The following GABRA3 variants were observed in gnomAD, a reference collection of about 807,000 sequenced individuals.
GABRA3 encodes gamma-aminobutyric acid receptor subunit alpha-3.
In GABRA3, 10 loss-of-function variants were observed where a neutral mutation model predicts 30.1. The observed-to-expected ratio is 0.33, with a 90% CI of 0.20 to 0.56. GABRA3 has a LOEUF of 0.56. GABRA3 is among the 20% of genes least tolerant of loss of function. GABRA3 has a pLI of 0.89. For synonymous variants in GABRA3, 151 were observed against 146.8 expected (o/e 1.03, Z -0.21); for missense variants, 233 against 392.0 (o/e 0.59, Z 3.42).
At chrX:152,221,896 G>T in intron 6 of GABRA3, among the ~76,000 whole-genome samples, 1 of 111,350 alleles carries the variant, frequency 9.0e-6, no homozygotes. Context: ...AAAAACCCCA[G>T]TGTGTGGTGT....
At chrX:152,345,723 G>GAA (rs3830670) in intron 2 of GABRA3, 21 bp from the exon 3 acceptor site, 35 of 1,143,245 alleles carry the variant, frequency 3.1e-5, no homozygotes, top group African/African-American at 3.0e-4. Context: ...GCAAGGAAAA[G>GAA]AAAAAAAATA....
chrX:152,323,545 C>A (rs957797409), intron 3 of GABRA3, among the ~76,000 whole-genome samples: 10 of 111,801 alleles, frequency 8.9e-5, no homozygotes, highest in Non-Finnish European at 1.9e-4. Context: ...TGAAGGGTAA[C>A]AAGGATCCTG....
At chrX:152,186,203 A>ATTGT (rs1366555675) in intron 9 of GABRA3, among the ~76,000 whole-genome samples, 2 of 106,959 alleles carry the variant, frequency 1.9e-5, no homozygotes, top group African/African-American at 6.8e-5. Flanking sequence ...AATTTATTTA[A>ATTGT]TTGTTTATTT....
At chrX:152,196,609 A>G (rs1937392324) in intron 8 of GABRA3, among the ~76,000 whole-genome samples, 1 of 110,859 alleles carries the variant, frequency 9.0e-6, no homozygotes, top group Non-Finnish European at 1.9e-5. Context: ...ACTTCACTAG[A>G]ACTGTTCTTC....
At chrX:152,442,649 A>G (rs977476593) in intron 1 of GABRA3, among the ~76,000 whole-genome samples, 2 of 112,003 alleles carry the variant, frequency 1.8e-5, no homozygotes, top group Admixed American at 9.5e-5. Context: ...AAATTATTTT[A>G]AAGCTACAAT....
chrX:152,343,282 T>G (rs1940341294), intron 3 of GABRA3, among the ~76,000 whole-genome samples: 1 of 111,400 alleles, frequency 9.0e-6, no homozygotes, highest in South Asian at 3.8e-4. Flanking sequence ...GCTCACCTTG[T>G]TTGTTTTCTT....
At chrX:152,352,949 T>C (rs1940500255) in intron 2 of GABRA3, among the ~76,000 whole-genome samples, 1 of 111,024 alleles carries the variant, frequency 9.0e-6, no homozygotes, top group Admixed American at 9.7e-5. Context: ...GTCTTTCCTA[T>C]AAGTGGAAAT....
chrX:152,434,418 T>A (rs766637429), intron 1 of GABRA3, among the ~76,000 whole-genome samples: 3 of 110,935 alleles, frequency 2.7e-5, no homozygotes, highest in Admixed American at 9.7e-5. Flanking sequence ...GACCTTGTAA[T>A]CATGGAAGTT....
intron 6 of GABRA3, among the ~76,000 whole-genome samples, chrX:152,216,227 T>C (rs936693561): frequency 4.5e-5 from 5 of 110,957 alleles, no homozygotes; most frequent in African/African-American, 1.6e-4. Flanking sequence ...TATCCAGCAA[T>C]TCCACTACTG....
intron 1 of GABRA3, among the ~76,000 whole-genome samples, chrX:152,446,520 C>A (rs1450478985): frequency 1.8e-5 from 2 of 109,209 alleles, no homozygotes; most frequent in Non-Finnish European, 3.8e-5. Flanking sequence ...TCCTTTGTAG[C>A]CTTCACATAA....
chrX:152,175,947 C>T (rs911616803), intron 9 of GABRA3, among the ~76,000 whole-genome samples: 10 of 109,567 alleles, frequency 9.1e-5, no homozygotes, highest in Admixed American at 6.9e-4. Context: ...GCCTGTAGTC[C>T]CAGCTGCTCA....
chrX:152,286,150 ATATAC>A (rs1418459538), intron 3 of GABRA3, among the ~76,000 whole-genome samples: 3 of 103,361 alleles, frequency 2.9e-5, no homozygotes, highest in Non-Finnish European at 5.9e-5. Flanking sequence ...TTATATACTT[ATATAC>A]TATAAGTATA....
chrX:152,442,064 C>T (rs957426108), intron 1 of GABRA3, among the ~76,000 whole-genome samples: 1 of 110,754 alleles, frequency 9.0e-6, no homozygotes, highest in African/African-American at 3.3e-5. Flanking sequence ...CAGATATATG[C>T]TATATATATC....
chrX:152,199,384 A>G (rs1296983881), intron 7 of GABRA3, among the ~76,000 whole-genome samples: 3 of 109,127 alleles, frequency 2.7e-5, no homozygotes, highest in Non-Finnish European at 5.7e-5. Context: ...AAAATAAAAA[A>G]AGCAAAAAAC....
intron 1 of GABRA3, among the ~76,000 whole-genome samples, chrX:152,369,503 T>C (rs1263965149): frequency 9.0e-6 from 1 of 111,664 alleles, no homozygotes; most frequent in African/African-American, 3.3e-5. Flanking sequence ...GCTCATGAAA[T>C]ATGTCAGGTA....
intron 8 of GABRA3, among the ~76,000 whole-genome samples, chrX:152,190,513 T>C (rs1937310206): frequency 9.0e-6 from 1 of 111,025 alleles, no homozygotes; most frequent in Admixed American, 9.6e-5. Context: ...TATTTTTTTT[T>C]CTTTTTTCTT....
At chrX:152,347,549 T>C (rs1286215797) in intron 2 of GABRA3, among the ~76,000 whole-genome samples, 1 of 111,604 alleles carries the variant, frequency 9.0e-6, no homozygotes, top group Non-Finnish European at 1.9e-5. Context: ...GATGTGATTA[T>C]TTCATATTGC....
intron 3 of GABRA3, among the ~76,000 whole-genome samples, chrX:152,303,723 A>C (rs1320746099): frequency 9.1e-6 from 1 of 109,826 alleles, no homozygotes; most frequent in Non-Finnish European, 1.9e-5. Context: ...AGAAAACCAA[A>C]CACCACATGT....
At chrX:152,382,590 C>T (rs1291950446) in intron 1 of GABRA3, among the ~76,000 whole-genome samples, 1 of 111,523 alleles carries the variant, frequency 9.0e-6, no homozygotes. Flanking sequence ...AAGTATTGCC[C>T]AGGCCACTGT....
Sources: allele counts gnomAD v4.1 joint callset (sites outside exome capture counted in the v4.1 genomes callset), GRCh38; gene constraint gnomAD v4.1.1; transcripts MANE v1.5; gene names NCBI Gene and HGNC (gene_info 2026-07-23, HGNC 2026-07-21).